PLCE1: variants seen among roughly 807,000 people sequenced by gnomAD.
The protein encoded by PLCE1 is 1-phosphatidylinositol 4,5-bisphosphate phosphodiesterase epsilon-1.
In PLCE1, 119 loss-of-function variants were observed where a neutral mutation model predicts 242.8. The observed-to-expected ratio is 0.49, with a 90% CI of 0.42 to 0.57. The LOEUF (loss-of-function observed/expected upper bound fraction) is 0.57, where lower values mean the gene tolerates loss of function less well. Ranked by LOEUF, PLCE1 falls within the 20% of genes least tolerant of loss-of-function variation. PLCE1 has a pLI of 0.00. For synonymous variants in PLCE1, 945 were observed against 1,017.4 expected, an observed-to-expected ratio of 0.93 and a Z score of 1.35; for missense variants, 2,441 against 2,788.8, an observed-to-expected ratio of 0.88 and a Z score of 2.81.
intron 19 of PLCE1, among the ~76,000 whole-genome samples, chr10:94,279,064 G>C (rs373934839): frequency 1.3e-5 from 2 of 151,926 alleles, no homozygotes; most frequent in Admixed American, 6.6e-5. Context: ...CCTCTACCCC[G>C]TTTAGATTGT....
At chr10:94,287,710 G>A (rs374566283) in intron 22 of PLCE1, among the ~76,000 whole-genome samples, 12 of 151,582 alleles carry the variant, frequency 7.9e-5, no homozygotes, top group African/African-American at 2.9e-4. Flanking sequence ...CTATTGTCCT[G>A]GGTTTTTTTC....
intron 3 of PLCE1, among the ~76,000 whole-genome samples, chr10:94,145,061 G>A (rs1393956002): frequency 6.6e-6 from 1 of 152,176 alleles, no homozygotes; most frequent in East Asian, 1.9e-4. Flanking sequence ...TCAAAAGGAT[G>A]ATTCTCATCA....
intron 3 of PLCE1, among the ~76,000 whole-genome samples, chr10:94,154,269 T>C (rs1006631089): frequency 1.3e-5 from 2 of 152,192 alleles, no homozygotes; most frequent in African/African-American, 4.8e-5. Flanking sequence ...GATATCCATA[T>C]GCCAAACAAT....
intron 13 of PLCE1, among the ~76,000 whole-genome samples, chr10:94,259,666 T>G (rs1370476523): frequency 6.6e-6 from 1 of 152,150 alleles, no homozygotes; most frequent in African/African-American, 2.4e-5. Context: ...AATTCATCAT[T>G]GTGTGGTTCT....
At chr10:94,206,100 G>A (rs2049150285) in intron 4 of PLCE1, among the ~76,000 whole-genome samples, 1 of 152,230 alleles carries the variant, frequency 6.6e-6, no homozygotes, top group South Asian at 2.1e-4. Flanking sequence ...GGGATGGGAA[G>A]TGTTGGGGAG....
intron 7 of PLCE1, among the ~76,000 whole-genome samples, chr10:94,241,237 C>T (rs531757148): frequency 5.9e-5 from 9 of 152,296 alleles, no homozygotes; most frequent in African/African-American, 2.2e-4. Context: ...CAGAAACAGG[C>T]TCCAGAAAAG....
intron 4 of PLCE1, among the ~76,000 whole-genome samples, chr10:94,204,790 G>A (rs1225856364): frequency 8.1e-6 from 1 of 123,378 alleles, no homozygotes; most frequent in Non-Finnish European, 1.8e-5. Flanking sequence ...AAGGAAGGAA[G>A]GAAGGAAGGA....
chr10:94,042,652 G>A (rs1335603994), intron 2 of PLCE1, among the ~76,000 whole-genome samples: 1 of 152,106 alleles, frequency 6.6e-6, no homozygotes, highest in Non-Finnish European at 1.5e-5. Context: ...GGGAGATGCA[G>A]GGAACAATAC....
intron 2 of PLCE1, among the ~76,000 whole-genome samples, chr10:94,067,904 A>G (rs1271701350): frequency 6.6e-6 from 1 of 152,120 alleles, no homozygotes; most frequent in East Asian, 1.9e-4. Flanking sequence ...AGGGAGGAGT[A>G]TGGGTCTTGG....
chr10:94,176,533 T>C (rs2048131759), intron 4 of PLCE1, among the ~76,000 whole-genome samples: 1 of 152,212 alleles, frequency 6.6e-6, no homozygotes, highest in Admixed American at 6.5e-5. Context: ...CATACTTTGA[T>C]TCTGCCAAAA....
At chr10:94,324,203 C>T in intron 30 of PLCE1, 146 bp from the exon 31 acceptor site, 1 of 753,828 alleles carries the variant, frequency 1.3e-6, no homozygotes, top group African/African-American at 1.7e-5. Context: ...AACTATACAA[C>T]TGCAAAATGA....
At chr10:94,202,176 A>T (rs546784542) in intron 4 of PLCE1, among the ~76,000 whole-genome samples, 2 of 152,364 alleles carry the variant, frequency 1.3e-5, no homozygotes, top group South Asian at 4.1e-4. Context: ...TGCCACGTGT[A>T]GAATATGTCC....
chr10:94,181,300 C>T (rs1041307005), intron 4 of PLCE1, among the ~76,000 whole-genome samples: 1 of 152,138 alleles, frequency 6.6e-6, no homozygotes, highest in East Asian at 1.9e-4. Context: ...GGGCCGGGTG[C>T]GGTGGCTCAC....
intron 2 of PLCE1, among the ~76,000 whole-genome samples, chr10:94,077,182 T>C (rs551428907): frequency 7.9e-5 from 12 of 152,242 alleles, no homozygotes; most frequent in African/African-American, 2.9e-4. Context: ...TGTTTCCCAG[T>C]TGGGGGCAGT....
intron 2 of PLCE1, among the ~76,000 whole-genome samples, chr10:94,056,621 T>C (rs1021061349): frequency 1.3e-5 from 2 of 152,162 alleles, no homozygotes; most frequent in African/African-American, 4.8e-5. Context: ...TTTCTTAGCC[T>C]TTAAAAAATA....
At chr10:94,004,222 AT>A (rs1272483376) in intron 1 of PLCE1, among the ~76,000 whole-genome samples, 3 of 152,246 alleles carry the variant, frequency 2.0e-5, no homozygotes, top group Non-Finnish European at 4.4e-5. Flanking sequence ...TTGGAACTCT[AT>A]TATCAGATGG....
At chr10:94,086,307 C>A (rs2044824358) in intron 2 of PLCE1, among the ~76,000 whole-genome samples, 1 of 152,168 alleles carries the variant, frequency 6.6e-6, no homozygotes, top group Admixed American at 6.5e-5. Context: ...TACGGCCACA[C>A]CCAGCTTGTG....
intron 27 of PLCE1, among the ~76,000 whole-genome samples, chr10:94,311,193 T>G (rs537482377): frequency 8.9e-4 from 135 of 152,102 alleles, no homozygotes; most frequent in South Asian, 1.9e-3. Context: ...TCATTTAGGG[T>G]TTTTATGGAG....
intron 23 of PLCE1, among the ~76,000 whole-genome samples, chr10:94,297,199 C>T (rs965387662): frequency 6.6e-6 from 1 of 152,008 alleles, no homozygotes; most frequent in African/African-American, 2.4e-5. Context: ...AAACGTGTGA[C>T]TCTCCCTTTC....
Sources: gnomAD v4.1 joint callset for allele counts (sites outside exome capture counted in the v4.1 genomes callset) on GRCh38, gnomAD v4.1.1 for gene constraint, MANE v1.5 for transcripts, NCBI Gene and HGNC (gene_info 2026-07-23, HGNC 2026-07-21) for gene names.